BPTF: variants seen among roughly 807,000 people sequenced by gnomAD.
The protein encoded by BPTF is nucleosome-remodeling factor subunit BPTF.
Under a neutral mutation model 292.5 loss-of-function variants are expected in BPTF, and 18 were observed. The observed-to-expected ratio is 0.06, with a 90% confidence interval of 0.04 to 0.09. The LOEUF (loss-of-function observed/expected upper bound fraction) is 0.09. BPTF is among the 10% of genes least tolerant of loss of function. The probability of loss-of-function intolerance (pLI) is 1.00; values close to 1 mark genes in which losing one functional copy is unlikely to be tolerated. For missense variants in BPTF, 2,726 were observed against 3,498.7 expected (o/e 0.78, Z 5.57); for synonymous variants, 1,225 against 1,251.9 (o/e 0.98, Z 0.45).
intron 19 of BPTF, among the ~76,000 whole-genome samples, chr17:67,943,856 A>G (rs1362822251): frequency 6.6e-6 from 1 of 152,184 alleles, no homozygotes; most frequent in Non-Finnish European, 1.5e-5. Context: ...TAGTTATTCA[A>G]TACCTTTATT....
chr17:67,945,554 A>C lies in BPTF; in HGVS notation c.6846A>C (p.Gln2282His). The C allele has an allele frequency of 1.2e-6, 2 of 1,611,720 alleles. No homozygotes were observed. Among genetic ancestry groups the C allele is most frequent in the Admixed American group, 1.7e-5 (1 of 59,488 alleles). ...AGCCTTCAGCTCAGCCCCAGCCCCA[A>C]ACCCAGCCCCAGTCCCCAGCTCAGC... ...TAQPSAQPQP[Q>H]TQPQSPAQPE... Residue 2282 changes from glutamine (Q) to histidine (H), a missense_variant, in exon 21 of 28, where the codon CAA (glutamine) becomes CAC (histidine). Physicochemically the swap from Gln to His is conservative, Grantham distance 24. Coordinates refer to ENST00000306378, the MANE Select transcript of BPTF (RefSeq NM_182641.4).
intron 23 of BPTF, among the ~76,000 whole-genome samples, chr17:67,955,163 C>T (rs782633769): frequency 1.3e-5 from 2 of 150,902 alleles, no homozygotes; most frequent in East Asian, 1.9e-4. Flanking sequence ...TGGTGGTGGG[C>T]GCTACTTGGG....
intron 3 of BPTF, among the ~76,000 whole-genome samples, chr17:67,869,020 G>A (rs1195061022): frequency 6.6e-6 from 1 of 151,980 alleles, no homozygotes; most frequent in Non-Finnish European, 1.5e-5. Context: ...AGTCTTTGGG[G>A]GATAAGTAAT....
Position 67,984,123 on chromosome 17 carries a change from C to G in BPTF, c.*1835C>G, listed in dbSNP as rs2070670086. 1 of 152,514 alleles carries G rather than the reference C, an allele frequency of 6.6e-6. No homozygotes were observed. The highest frequency in any genetic ancestry group is 2.1e-4 in the South Asian group (1 of 4,834). The allele number at this position is 152,514 out of a possible 1,614,324, so 9.4% of individuals were successfully genotyped here. On this transcript the variant is annotated 3_prime_UTR_variant, in exon 28 of 28. Transcript: ENST00000306378. ...ACATATTGTATGCACTGTGCTGATGCAAGAATTCTACATTTTAATGAGTTA... is the reference window on the plus strand; with the variant it reads ...ACATATTGTATGCACTGTGCTGATGGAAGAATTCTACATTTTAATGAGTTA...
intron 7 of BPTF, among the ~76,000 whole-genome samples, chr17:67,898,919 C>T (rs1243981094): frequency 9.1e-6 from 1 of 109,856 alleles, no homozygotes; most frequent in African/African-American, 3.5e-5. Flanking sequence ...GATACCCTGT[C>T]TCAAAAAAAA....
Position 67,912,384 on chromosome 17 carries a change from C to G in BPTF, c.4500C>G (p.Ser1500Arg). Residue 1500 changes from serine (S) to arginine (R), a missense_variant, in exon 11 of 28, where the codon AGC becomes AGG. Ser to Arg is a moderately radical substitution (Grantham distance 110). Transcript: ENST00000306378. ...SSDAEGNYRD[S>R]LETLPSTKES... The stretch of plus-strand genomic sequence containing the variant: ...ATGCTGAAGGTAACTACCGAGATAG[C>G]CTTGAGACCCTGCCATCAACCAAAG... 1 of 1,614,042 alleles carries G rather than the reference C, an allele frequency of 6.2e-7. No individual in the cohort carries two copies. The highest frequency in any genetic ancestry group is 8.5e-7 in the Non-Finnish European group (1 of 1,180,002).
intron 4 of BPTF, among the ~76,000 whole-genome samples, chr17:67,875,363 T>A (rs1427013457): frequency 6.6e-6 from 1 of 152,216 alleles, no homozygotes; most frequent in East Asian, 1.9e-4. Context: ...GCATTCTTAA[T>A]ATATTATTAA....
At position 67,854,646 on chromosome 17, in the gene BPTF, T is replaced by C. The variant is rs1025660131; in HGVS notation, c.1320T>C (p.Pro440=). Residue 440 remains proline (P), a synonymous_variant, in exon 2 of 28, where the codon CCT becomes CCC. Transcript: ENST00000306378. The surrounding 1 kb of genome is among the most constrained non-coding windows in gnomAD (Gnocchi z 5.6). ...AAGTCTGTGTAGCACACAAGGTGCC[T>C]GGTGTGACTGACTGTGTTGCTGAAA... The part of the protein sequence containing the change: ...QCEVCVAHKV[P]GVTDCVAEIQ... The C allele has an allele frequency of 6.2e-6, 10 of 1,614,086 alleles. No homozygotes were observed. The highest frequency in any genetic ancestry group is 8.5e-6 in the Non-Finnish European group (10 of 1,180,046).
Position 67,892,770 on chromosome 17 carries a change from C to T in BPTF, c.2056-600C>T, listed in dbSNP as rs1191616466. 3.9e-5 allele frequency among the ~76,000 whole-genome samples: 6 copies of T among 152,266 alleles called. No homozygotes were observed. In the South Asian group the frequency reaches 8.3e-4, roughly 21 times the overall value. On this transcript the variant is annotated intron_variant, in intron 5 of 27. Transcript: ENST00000306378. ...AAAAGCTTTCTGAAATACTATTTTA[C>T]TTTATGATGTGGGAAGCACTCTGAT...
chr17:67,953,642 C>T (rs1474182801), intron 23 of BPTF, among the ~76,000 whole-genome samples: 1 of 145,098 alleles, frequency 6.9e-6, no homozygotes, highest in Non-Finnish European at 1.5e-5. Context: ...ATAGCACGAT[C>T]TCGGCTCACT....
intron 18 of BPTF, among the ~76,000 whole-genome samples, chr17:67,938,106 C>G (rs1013635165): frequency 6.6e-6 from 1 of 152,144 alleles, no homozygotes; most frequent in Non-Finnish European, 1.5e-5. Flanking sequence ...CTTCACAGAC[C>G]CTCGGAGTAC....
At chr17:67,833,907 A>T (rs2056925159) in intron 1 of BPTF, among the ~76,000 whole-genome samples, 1 of 152,168 alleles carries the variant, frequency 6.6e-6, no homozygotes, top group Non-Finnish European at 1.5e-5. Flanking sequence ...TTAGTGATAG[A>T]TTGGTTAGGC....
At chr17:67,903,706 T>C (rs911056410) in intron 7 of BPTF, 83 bp from the exon 8 acceptor site, 12 of 1,302,858 alleles carry the variant, frequency 9.2e-6, no homozygotes, top group African/African-American at 4.6e-5. Context: ...CTGCTTTGTT[T>C]TCCTAATTTT....
chr17:67,845,008 G>T (rs937953198), intron 1 of BPTF, among the ~76,000 whole-genome samples: 2 of 152,160 alleles, frequency 1.3e-5, no homozygotes, highest in Admixed American at 1.3e-4. Flanking sequence ...CTCCCAAAGT[G>T]CTGGGATTAC....
In BPTF at chr17:67,854,408, T is replaced by C. The variant is rs1159477556; in HGVS notation, c.1082T>C (p.Ile361Thr). ...DYPYGPVENK[I>T]KVLQFLVDQF... ...CCATATGGACCAGTAGAGAACAAGATCAAAGTTCTACAGTTTCTAGTCGAT... is the reference window on the plus strand; with the variant it reads ...CCATATGGACCAGTAGAGAACAAGACCAAAGTTCTACAGTTTCTAGTCGAT... Residue 361 changes from isoleucine (I) to threonine (T), a missense_variant, in exon 2 of 28, where the codon ATC (isoleucine) becomes ACC (threonine). Ile to Thr is a moderately conservative substitution (Grantham distance 89). This residue lies in a region of BPTF where 102 missense variants were observed against 212.6 expected (regional missense o/e 0.48). Coordinates refer to ENST00000306378, the MANE Select transcript of BPTF (RefSeq NM_182641.4). This position sits in a 1 kb window ranked among gnomAD's most constrained non-coding sequence, Gnocchi z 5.6. 1.2e-6 allele frequency: 2 copies of C among 1,614,160 alleles called. No individual in the cohort carries two copies.
chr17:67,911,839 T>C lies in BPTF; in HGVS notation c.3955T>C (p.Phe1319Leu), dbSNP rs1324795862. Reference sequence around the variant, plus strand: ...TAGCAATGAAAGCATTTCTGAACAGTTCAGAACTCGAGAACAAGATGTTGA... The same window carrying C: ...TAGCAATGAAAGCATTTCTGAACAGCTCAGAACTCGAGAACAAGATGTTGA... ...QNSNESISEQ[F>L]RTREQDVEVL... The change falls in exon 11 of 28, where the codon TTC becomes CTC. Residue 1319 changes from phenylalanine to leucine, a missense_variant. Phe to Leu is a conservative substitution (Grantham distance 22). Transcript: ENST00000306378. The C allele has an allele frequency of 1.9e-6, 3 of 1,614,004 alleles. No individual in the cohort carries two copies. The highest frequency in any genetic ancestry group is 1.3e-5 in the African/African-American group (1 of 74,920).
In BPTF at chr17:67,826,905, C is replaced by T. The variant is rs545161996; in HGVS notation, c.613+568C>T. ...TTAAAATTGTGTTAAGGAAACGGAT[C>T]ATTTGGGTTAGTAGGGGAACCTTAT... On this transcript the variant is annotated intron_variant, in intron 1 of 27. Coordinates refer to ENST00000306378, the MANE Select transcript of BPTF (RefSeq NM_182641.4). Among the ~76,000 whole-genome samples, 43 of 152,244 alleles carry T rather than the reference C, an allele frequency of 2.8e-4. No individual in the cohort carries two copies. In the South Asian group the frequency reaches 8.1e-3, roughly 29 times the overall value.
intron 24 of BPTF, among the ~76,000 whole-genome samples, chr17:67,962,570 G>C (rs2067622846): frequency 6.6e-6 from 1 of 152,172 alleles, no homozygotes; most frequent in Admixed American, 6.5e-5. Flanking sequence ...CTTGTCCCCG[G>C]TGTTGAACTG....
rs2068142701 is a variant in BPTF at position 67,966,752 on chromosome 17, G to T, written c.8539+96G>T. 5.5e-6 allele frequency: 6 copies of T among 1,087,086 alleles called. No individual in the cohort carries two copies. In the South Asian group the frequency reaches 1.2e-4, roughly 22 times the overall value. The allele number at this position is 1,087,086 out of a possible 1,614,324, so 67.3% of individuals were successfully genotyped here. On this transcript the variant is annotated intron_variant, in intron 26 of 27. Transcript: ENST00000306378. Reference sequence around the variant, plus strand: ...ATCTTAGAATATTTTTAGCAAGGCTGGTGGGGGTATAAATTGGTATGGTCA... The same window carrying T: ...ATCTTAGAATATTTTTAGCAAGGCTTGTGGGGGTATAAATTGGTATGGTCA...
Sources: gnomAD v4.1 joint callset for allele counts (sites outside exome capture counted in the v4.1 genomes callset) on GRCh38, gnomAD v4.1.1 for gene constraint, gnomAD v4.1.1 regional missense constraint, Gnocchi (gnomAD v3.1) non-coding constraint, MANE v1.5 for transcripts, NCBI Gene and HGNC (gene_info 2026-07-23, HGNC 2026-07-21) for gene names.